CIB2: variants seen among roughly 807,000 people sequenced by gnomAD.
CIB2 encodes the protein calcium and integrin-binding family member 2.
CIB2 carries 19 observed loss-of-function variants against 23.1 expected under a neutral mutation model. The ratio of observed to expected loss-of-function variants is 0.82; its 90% CI spans 0.57 to 1.21. CIB2 has a LOEUF of 1.21. CIB2 is among the 50% of genes most tolerant of loss of function. CIB2 has a pLI of 0.00. For missense variants in CIB2, 220 were observed against 241.5 expected (o/e 0.91, Z 0.59); for synonymous variants, 94 against 91.7 (o/e 1.03, Z -0.14).
intron 2 of CIB2, among the ~76,000 whole-genome samples, chr15:78,121,450 CCT>C (rs1379028273): frequency 6.6e-6 from 1 of 152,146 alleles, no homozygotes; most frequent in East Asian, 1.9e-4. Context: ...CAGGGATACC[CCT>C]GATATGGTTT....
chr15:78,131,349 T>G lies in CIB2; in HGVS notation c.-134A>C. The G allele has an allele frequency of 3.6e-6, 2 of 548,178 alleles. No homozygotes were observed. The highest frequency in any genetic ancestry group is 5.5e-5 in the Admixed American group (1 of 18,242). 34.0% of individuals were successfully genotyped at this position (548,178 alleles called of 1,614,324 possible). The stretch of plus-strand genomic sequence containing the variant: ...GCAGCGGCCCACGGTGGCCGGACCC[T>G]TCCCGCCCCGCAGCTCGCCTGGAGG... On this transcript the variant is annotated 5_prime_UTR_variant, in exon 1 of 6. Transcript: ENST00000258930. The surrounding 1 kb of genome is among the most constrained non-coding windows in gnomAD (Gnocchi z 5.8).
At position 78,131,389 on chromosome 15, in the gene CIB2, C is replaced by G. The variant is rs2074454623; in HGVS notation, c.-174G>C. On this transcript the variant is annotated 5_prime_UTR_variant, in exon 1 of 6. Transcript: ENST00000258930. The surrounding 1 kb of genome is among the most constrained non-coding windows in gnomAD (Gnocchi z 5.8). ...TCGCCTGGAGGAGGCGCGCGGGGGT[C>G]TCGGAGGCGGGGACGGGAACCCGGA... The G allele has an allele frequency of 3.6e-6, 1 of 278,374 alleles. No individual in the cohort carries two copies. The highest frequency in any genetic ancestry group is 5.8e-5 in the Admixed American group (1 of 17,174). The allele number at this position is 278,374 out of a possible 1,614,324, so 17.2% of individuals were successfully genotyped here.
chr15:78,109,190 GT>G, intron 4 of CIB2, 44 bp downstream of exon 4: 1 of 1,330,722 alleles, frequency 7.5e-7, no homozygotes, highest in South Asian at 1.3e-5. Flanking sequence ...GGCCCCACAT[GT>G]TCCCCCACCG....
At position 78,112,553 on chromosome 15, in the gene CIB2, C is replaced by T. The variant is rs557066608; in HGVS notation, c.87-1277G>A. Among the ~76,000 whole-genome samples the T allele has an allele frequency of 4.6e-5, 7 of 152,278 alleles. No individual in the cohort carries two copies. In the South Asian group the frequency reaches 1.4e-3, roughly 32 times the overall value. The stretch of plus-strand genomic sequence containing the variant: ...CTGCATTCCAGCCTGGGCAACAGAG[C>T]GAGACCCTGCCTCTAAAAACAAAAA... On this transcript the variant is annotated intron_variant, in intron 2 of 5. Coordinates refer to ENST00000258930, the MANE Select transcript of CIB2 (RefSeq NM_006383.4).
In CIB2 at chr15:78,123,356, C is replaced by T. The variant is rs55999906; in HGVS notation, c.86+349G>A. Among the ~76,000 whole-genome samples the T allele has an allele frequency of 7.4e-3, 1,124 of 152,314 alleles. 10 individuals are homozygous for T. The highest frequency in any genetic ancestry group is 0.012 in the Non-Finnish European group (818 of 68,016). On this transcript the variant is annotated intron_variant, in intron 2 of 5. Coordinates refer to ENST00000258930, the MANE Select transcript of CIB2 (RefSeq NM_006383.4). The stretch of plus-strand genomic sequence containing the variant: ...GAGGCTGGGTCTTGAGTCCCTGGCT[C>T]TGTGACTTTAGCCAAGTTGCTAAGC...
chr15:78,128,372 A>G (rs1018951275), intron 1 of CIB2, among the ~76,000 whole-genome samples: 9 of 152,186 alleles, frequency 5.9e-5, no homozygotes, highest in Admixed American at 1.3e-4. Context: ...GCAAAGGGAA[A>G]GGGAGTAAGA....
chr15:78,108,300 T>G, intron 4 of CIB2, among the ~76,000 whole-genome samples: 1 of 152,032 alleles, frequency 6.6e-6, no homozygotes, highest in Non-Finnish European at 1.5e-5. Flanking sequence ...TGATCAAACG[T>G]GCTGAGGACA....
chr15:78,125,186 C>G (rs1191391014), intron 1 of CIB2, among the ~76,000 whole-genome samples: 3 of 152,192 alleles, frequency 2.0e-5, no homozygotes, highest in Admixed American at 2.0e-4. Flanking sequence ...ACAGAAAACT[C>G]CCTACTTAGC....
chr15:78,119,458 A>G (rs1354545402), intron 2 of CIB2, among the ~76,000 whole-genome samples: 1 of 152,138 alleles, frequency 6.6e-6, no homozygotes, highest in African/African-American at 2.4e-5. Context: ...GAATTGCTGG[A>G]TCATGTGGTG....
chr15:78,105,614 C>T (rs751024281), intron 5 of CIB2, 125 bp downstream of exon 5: 15 of 1,556,500 alleles, frequency 9.6e-6, no homozygotes, highest in Middle Eastern at 1.7e-4. Context: ...GTGGCTTGAA[C>T]GTGACCTCCT....
chr15:78,130,169 A>G (rs2074434317), intron 1 of CIB2, among the ~76,000 whole-genome samples: 1 of 152,126 alleles, frequency 6.6e-6, no homozygotes, highest in Admixed American at 6.5e-5. Context: ...GCCACAACAC[A>G]ATCCTGCCCC....
At chr15:78,123,086 C>T (rs2074340331) in intron 2 of CIB2, among the ~76,000 whole-genome samples, 1 of 152,168 alleles carries the variant, frequency 6.6e-6, no homozygotes, top group South Asian at 2.1e-4. Context: ...TCCCCTTTAT[C>T]TTTCCCATCC....
chr15:78,114,007 C>T (rs1313844934), intron 2 of CIB2, among the ~76,000 whole-genome samples: 1 of 152,148 alleles, frequency 6.6e-6, no homozygotes, highest in Non-Finnish European at 1.5e-5. Context: ...GGTTGGAGCC[C>T]TGCCTACACC....
chr15:78,112,126 C>T (rs1016533532), intron 2 of CIB2, among the ~76,000 whole-genome samples: 3 of 152,226 alleles, frequency 2.0e-5, no homozygotes, highest in African/African-American at 7.2e-5. Flanking sequence ...AGGTGTAAGG[C>T]ATCCTGGCAC....
intron 4 of CIB2, 72 bp downstream of exon 4, chr15:78,109,163 T>G (rs2074114431): frequency 6.5e-7 from 1 of 1,531,080 alleles, no homozygotes; most frequent in Non-Finnish European, 8.9e-7. Context: ...GAGCCAGTAG[T>G]AACCAGACAG....
chr15:78,131,119 G>T lies in CIB2; in HGVS notation c.51+46C>A. On this transcript the variant is annotated intron_variant, in intron 1 of 5. Transcript: ENST00000258930. The surrounding 1 kb of genome is among the most constrained non-coding windows in gnomAD (Gnocchi z 5.8). ...CAGCGACCGAGAAAAGGGAGGGGCG[G>T]CGGGGCGGCGGGGCCTGTGTTGGGG... The T allele has an allele frequency of 2.0e-6, 3 of 1,511,180 alleles. No homozygotes were observed. Among genetic ancestry groups the T allele is most frequent in the Non-Finnish European group, 2.7e-6 (3 of 1,119,862 alleles). 93.6% of individuals were successfully genotyped at this position (1,511,180 alleles called of 1,614,324 possible). A position where few individuals can be genotyped will look rare whatever the true frequency, so the allele number is the denominator to read the frequency against.
intron 2 of CIB2, among the ~76,000 whole-genome samples, chr15:78,120,325 C>T (rs1312308690): frequency 6.6e-6 from 1 of 152,188 alleles, no homozygotes; most frequent in African/African-American, 2.4e-5. Flanking sequence ...CTTCTCTTGA[C>T]TGGCTTCATT....
chr15:78,115,614 T>C (rs1452326791), intron 2 of CIB2, among the ~76,000 whole-genome samples: 1 of 151,272 alleles, frequency 6.6e-6, no homozygotes, highest in Non-Finnish European at 1.5e-5. Context: ...TTAAAATTCT[T>C]AGTAAAACAG....
intron 4 of CIB2, 105 bp downstream of exon 4, chr15:78,109,130 T>G: frequency 7.6e-6 from 10 of 1,315,010 alleles, no homozygotes; most frequent in Non-Finnish European, 9.5e-6. Flanking sequence ...TCAGCTTCAC[T>G]GTTCTTGGTG....
Sources: gnomAD v4.1 joint callset for allele counts (sites outside exome capture counted in the v4.1 genomes callset) on GRCh38, gnomAD v4.1.1 for gene constraint, Gnocchi (gnomAD v3.1) non-coding constraint, MANE v1.5 for transcripts, NCBI Gene and HGNC (gene_info 2026-07-23, HGNC 2026-07-21) for gene names.